HNRNPC: variants seen among roughly 807,000 people sequenced by gnomAD.
The protein encoded by HNRNPC is heterogeneous nuclear ribonucleoprotein C.
A neutral mutation model predicts 33.2 loss-of-function variants in HNRNPC; 3 were observed. That is an observed-to-expected ratio of 0.09 (90% CI 0.04 to 0.23). HNRNPC has a LOEUF of 0.23. Ranked by LOEUF, HNRNPC falls within the 10% of genes least tolerant of loss-of-function variation. The probability of loss-of-function intolerance (pLI) is 1.00; values close to 1 mark genes in which losing one functional copy is unlikely to be tolerated. For synonymous variants in HNRNPC, 121 were observed against 126.7 expected (o/e 0.96, Z 0.30); for missense variants, 143 against 366.7 (o/e 0.39, Z 4.98).
intron 2 of HNRNPC, among the ~76,000 whole-genome samples, chr14:21,248,795 A>T (rs1896287118): frequency 1.3e-5 from 2 of 152,220 alleles, no homozygotes; most frequent in Admixed American, 6.5e-5. Context: ...TTTCCAGAAA[A>T]CGGGATCATT....
chr14:21,224,784 C>T (rs1259517876), intron 5 of HNRNPC, among the ~76,000 whole-genome samples: 2 of 152,130 alleles, frequency 1.3e-5, no homozygotes, highest in Non-Finnish European at 2.9e-5. Context: ...AGGCCCCTCA[C>T]AACTCAATCT....
intron 1 of HNRNPC, chr14:21,263,899 G>A (rs982997964): frequency 1.3e-5 from 2 of 152,102 alleles, no homozygotes; most frequent in Non-Finnish European, 2.9e-5. Flanking sequence ...CCCCAAGACA[G>A]AAACATCTGT....
At chr14:21,244,790 A>G (rs1895773864) in intron 2 of HNRNPC, among the ~76,000 whole-genome samples, 1 of 152,180 alleles carries the variant, frequency 6.6e-6, no homozygotes, top group Non-Finnish European at 1.5e-5. Context: ...CCAGACTACA[A>G]ACCTGCATAG....
At chr14:21,255,849 G>A (rs998053911) in intron 2 of HNRNPC, among the ~76,000 whole-genome samples, 9 of 152,164 alleles carry the variant, frequency 5.9e-5, no homozygotes, top group African/African-American at 9.7e-5. Flanking sequence ...TTAGGAGAAG[G>A]GGAGCTTAAA....
At chr14:21,244,289 C>T (rs1420657675) in intron 2 of HNRNPC, among the ~76,000 whole-genome samples, 1 of 152,234 alleles carries the variant, frequency 6.6e-6, no homozygotes, top group Non-Finnish European at 1.5e-5. Context: ...CGTGAGCCCC[C>T]ACGCCTGCCC....
intron 2 of HNRNPC, among the ~76,000 whole-genome samples, chr14:21,248,610 C>G (rs1896266659): frequency 6.6e-6 from 1 of 152,156 alleles, no homozygotes; most frequent in Non-Finnish European, 1.5e-5. Context: ...AGGACACAAA[C>G]AGGTGACTAA....
intron 2 of HNRNPC, chr14:21,254,586 TAGTATTCCTTTTCAAAGG>T (rs1238492064): frequency 6.6e-6 from 1 of 152,158 alleles, no homozygotes; most frequent in Non-Finnish European, 1.5e-5. Context: ...GTCACTTGAC[TAGTATTCCTTTTCAAAGG>T]AGTAATAAAA....
At chr14:21,261,015 G>A (rs913624929) in intron 2 of HNRNPC, among the ~76,000 whole-genome samples, 9 of 150,614 alleles carry the variant, frequency 6.0e-5, no homozygotes, top group Non-Finnish European at 8.8e-5. Context: ...AGCCTGGAGT[G>A]CAGTGGATAA....
intron 5 of HNRNPC, among the ~76,000 whole-genome samples, chr14:21,223,461 A>T (rs1893068115): frequency 1.3e-5 from 2 of 152,162 alleles, no homozygotes; most frequent in South Asian, 2.1e-4. Context: ...AGCAAAATTT[A>T]AGTCCAGCCA....
intron 2 of HNRNPC, among the ~76,000 whole-genome samples, chr14:21,245,870 G>A (rs1477238660): frequency 2.6e-5 from 4 of 152,038 alleles, no homozygotes; most frequent in Admixed American, 6.5e-5. Flanking sequence ...TTTTTTTGAG[G>A]AGTCTCCCTC....
intron 3 of HNRNPC, among the ~76,000 whole-genome samples, chr14:21,233,310 A>G (rs182614530): frequency 9.2e-5 from 14 of 152,344 alleles, no homozygotes; most frequent in Admixed American, 7.8e-4. Flanking sequence ...GTCAATATAC[A>G]TAGTAGAATG....
chr14:21,232,405 T>G (rs1160001299), intron 3 of HNRNPC, among the ~76,000 whole-genome samples: 1 of 151,926 alleles, frequency 6.6e-6, no homozygotes, highest in Non-Finnish European at 1.5e-5. Context: ...TTAGACAGAG[T>G]CTTGCCCCAT....
intron 5 of HNRNPC, among the ~76,000 whole-genome samples, chr14:21,215,875 A>AGTG (rs752816559): frequency 6.0e-5 from 9 of 149,068 alleles, no homozygotes; most frequent in Non-Finnish European, 1.5e-5. Context: ...CTCCAGCCTC[A>AGTG]GTGACAGAGC....
intron 2 of HNRNPC, among the ~76,000 whole-genome samples, chr14:21,245,973 G>A (rs1895938617): frequency 6.6e-6 from 1 of 152,020 alleles, no homozygotes; most frequent in Non-Finnish European, 1.5e-5. Context: ...AGCCTCCTGA[G>A]TAGCTGGGAA....
intron 5 of HNRNPC, among the ~76,000 whole-genome samples, chr14:21,226,446 A>C (rs1211894644): frequency 3.3e-5 from 5 of 152,046 alleles, no homozygotes; most frequent in Non-Finnish European, 7.4e-5. Context: ...AGTACTTCCC[A>C]ATCTCGCTTA....
At chr14:21,251,884 G>C (rs772330360) in intron 2 of HNRNPC, among the ~76,000 whole-genome samples, 1 of 152,028 alleles carries the variant, frequency 6.6e-6, no homozygotes, top group African/African-American at 2.4e-5. Context: ...TTGAGTCTTG[G>C]TGTCAAATGC....
chr14:21,231,723 T>C (rs1894139883), intron 3 of HNRNPC, among the ~76,000 whole-genome samples: 1 of 152,226 alleles, frequency 6.6e-6, no homozygotes, highest in Non-Finnish European at 1.5e-5. Context: ...TAAGTCTGTC[T>C]TTGGTACTCT....
intron 3 of HNRNPC, 26 bp from the exon 4 acceptor site, chr14:21,231,098 ATG>A (rs1284118593): frequency 6.3e-7 from 1 of 1,592,836 alleles, no homozygotes; most frequent in African/African-American, 1.3e-5. Context: ...AAAAATGTTA[ATG>A]ACAACTTTGT....
intron 2 of HNRNPC, among the ~76,000 whole-genome samples, chr14:21,238,192 T>A (rs1451351718): frequency 6.6e-6 from 1 of 152,234 alleles, no homozygotes; most frequent in Non-Finnish European, 1.5e-5. Context: ...TTGGTCATAT[T>A]CTATATGAAT....
Sources: allele counts gnomAD v4.1 joint callset (sites outside exome capture counted in the v4.1 genomes callset), GRCh38; gene constraint gnomAD v4.1.1; transcripts MANE v1.5; gene names NCBI Gene and HGNC (gene_info 2026-07-23, HGNC 2026-07-21).